Variants in KCNQ4 observed in about 807,000 individuals in gnomAD.
The protein encoded by KCNQ4 is potassium voltage-gated channel subfamily Q member 4.
Under a neutral mutation model 72.6 loss-of-function variants are expected in KCNQ4, and 31 were observed. The ratio of observed to expected loss-of-function variants is 0.43; its 90% CI spans 0.32 to 0.58. The LOEUF (loss-of-function observed/expected upper bound fraction) is 0.58, where lower values mean the gene tolerates loss of function less well. Ranked by LOEUF, KCNQ4 falls within the 20% of genes least tolerant of loss-of-function variation. The pLI is 0.08. For missense variants in KCNQ4, 869 were observed against 962.6 expected, an observed-to-expected ratio of 0.90 and a Z score of 1.29; for synonymous variants, 405 against 403.7, an observed-to-expected ratio of 1.00 and a Z score of -0.04.
intron 1 of KCNQ4, among the ~76,000 whole-genome samples, chr1:40,792,490 G>T (rs897213994): frequency 1.1e-4 from 16 of 152,202 alleles, no homozygotes; most frequent in African/African-American, 3.9e-4. Flanking sequence ...TCACAGGTGG[G>T]GAAACTGAGG....
chr1:40,837,836 G>A (rs1648850537), intron 13 of KCNQ4, 42 bp downstream of exon 13: 1 of 1,584,344 alleles, frequency 6.3e-7, no homozygotes. Flanking sequence ...ATACCAAGAA[G>A]CTCTGGGGGC....
chr1:40,790,366 C>T (rs913896374), intron 1 of KCNQ4, among the ~76,000 whole-genome samples: 9 of 152,166 alleles, frequency 5.9e-5, no homozygotes, highest in African/African-American at 1.4e-4. Flanking sequence ...TCTTCTCCTC[C>T]GGGGAGAGGT....
intron 9 of KCNQ4, among the ~76,000 whole-genome samples, chr1:40,829,611 A>G (rs547927694): frequency 2.0e-5 from 3 of 152,080 alleles, no homozygotes; most frequent in African/African-American, 7.2e-5. Context: ...GTTCCCACCC[A>G]ATACCGAAAC....
Position 40,784,203 on chromosome 1 carries a change from G to C in KCNQ4, c.110G>C (p.Gly37Ala). 8.9e-7 allele frequency: 1 copy of C among 1,127,538 alleles called. No individual in the cohort carries two copies. Among genetic ancestry groups the C allele is most frequent in the Non-Finnish European group, 1.1e-6 (1 of 925,698 alleles). The allele number at this position is 1,127,538 out of a possible 1,614,324, so 69.8% of individuals were successfully genotyped here. ...TAVQSEQGEA[G>A]GGGSPRRLGL... ...GTGCAGAGCGAACAGGGCGAGGCGG[G>C]CGGGGGCGGCTCCCCGCGCCGCCTC... Residue 37 changes from glycine (G) to alanine (A), a missense_variant, in exon 1 of 14, where the codon GGC (glycine) becomes GCC (alanine). Around this residue, in one of 5 missense-constraint regions of KCNQ4, gnomAD observed 178 missense variants for 145.3 expected, o/e 1.22. Coordinates refer to ENST00000347132, the MANE Select transcript of KCNQ4 (RefSeq NM_004700.4). The surrounding 1 kb of genome is among the most constrained non-coding windows in gnomAD (Gnocchi z 4.1).
At position 40,796,172 on chromosome 1, in the gene KCNQ4, G is replaced by A. The variant is rs545400856; in HGVS notation, c.314+11765G>A. Among the ~76,000 whole-genome samples, 10 of 152,202 alleles carry A rather than the reference G, an allele frequency of 6.6e-5. No homozygotes were observed. In the South Asian group the frequency reaches 1.5e-3, roughly 22 times the overall value. ...GTTTGCAGGACTGTGGTGGGGGGCC[G>A]AGGGGGTAATCAGTGCACATCAGGG... On this transcript the variant is annotated intron_variant, in intron 1 of 13. Transcript: ENST00000347132.
In KCNQ4 at chr1:40,784,314, C is replaced by T. The variant is rs745605543; in HGVS notation, c.221C>T (p.Ser74Leu). 33 of 1,605,266 alleles carry T rather than the reference C, an allele frequency of 2.1e-5. No homozygotes were observed. The highest frequency in any genetic ancestry group is 2.6e-5 in the Non-Finnish European group (31 of 1,178,064). The change falls in exon 1 of 14, where the codon TCG becomes TTG. Residue 74 changes from serine to leucine, a missense_variant. Around this residue, in one of 5 missense-constraint regions of KCNQ4, gnomAD observed 178 missense variants for 145.3 expected, o/e 1.22. Transcript: ENST00000347132. This position sits in a 1 kb window ranked among gnomAD's most constrained non-coding sequence, Gnocchi z 4.1. ...GGCTCCGCCTGCGGCCAGCGCTCCT[C>T]GGCCGCGCACAAGCGCTACCGCCGC... Reference protein sequence around the residue: ...GSGSACGQRSSAAHKRYRRLQ... With the variant: ...GSGSACGQRSLAAHKRYRRLQ...
At chr1:40,796,833 G>T (rs141388766) in intron 1 of KCNQ4, among the ~76,000 whole-genome samples, 1 of 152,054 alleles carries the variant, frequency 6.6e-6, no homozygotes, top group Non-Finnish European at 1.5e-5. Flanking sequence ...CATCAGAATC[G>T]CTTAAACCCG....
chr1:40,807,784 G>T (rs544287763), intron 1 of KCNQ4, among the ~76,000 whole-genome samples: 1 of 152,264 alleles, frequency 6.6e-6, no homozygotes, highest in South Asian at 2.1e-4. Flanking sequence ...TGGCTGAATG[G>T]AGGACAGACT....
intron 1 of KCNQ4, among the ~76,000 whole-genome samples, chr1:40,799,731 C>G (rs373401500): frequency 6.6e-6 from 1 of 152,200 alleles, no homozygotes; most frequent in Non-Finnish European, 1.5e-5. Context: ...TTGGCCTCCA[C>G]GAGGGAGGCC....
intron 1 of KCNQ4, among the ~76,000 whole-genome samples, chr1:40,804,271 A>G (rs1557998632): frequency 6.6e-6 from 1 of 152,186 alleles, no homozygotes; most frequent in African/African-American, 2.4e-5. Flanking sequence ...TGGGAGTGAG[A>G]GGCAGGTGCC....
intron 9 of KCNQ4, 114 bp from the exon 10 acceptor site, chr1:40,830,970 C>A: frequency 1.2e-6 from 1 of 845,978 alleles, no homozygotes; most frequent in South Asian, 1.5e-5. Context: ...CTCCGCTTGG[C>A]GGGGAATCCA....
chr1:40,833,517 C>G lies in KCNQ4; in HGVS notation c.1613+404C>G, dbSNP rs529251230. 9.7e-4 allele frequency among the ~76,000 whole-genome samples: 147 copies of G among 152,248 alleles called. 1 individual carries two copies. Among genetic ancestry groups the G allele is most frequent in the African/African-American group, 3.5e-3 (145 of 41,532 alleles). ...AAAATTAAGCAGGGACCAGGGTCTC[C>G]TAGGCCACGGCCTAGGCATGGATCT... On this transcript the variant is annotated intron_variant, in intron 11 of 13. Transcript: ENST00000347132.
chr1:40,784,193 G>A lies in KCNQ4; in HGVS notation c.100G>A (p.Gly34Ser), dbSNP rs1391299157. 1 of 1,116,904 alleles carries A rather than the reference G, an allele frequency of 9.0e-7. No individual in the cohort carries two copies. Among genetic ancestry groups the A allele is most frequent in the Non-Finnish European group, 1.1e-6 (1 of 917,682 alleles). 69.2% of individuals were successfully genotyped at this position (1,116,904 alleles called of 1,614,324 possible). Residue 34 changes from glycine to serine, a missense_variant, in exon 1 of 14, where the codon GGC becomes AGC. Coordinates refer to ENST00000347132, the MANE Select transcript of KCNQ4 (RefSeq NM_004700.4). The surrounding 1 kb of genome is among the most constrained non-coding windows in gnomAD (Gnocchi z 4.1). ...GCTCACGGCCGTGCAGAGCGAACAG[G>A]GCGAGGCGGGCGGGGGCGGCTCCCC... ...VALTAVQSEQ[G>S]EAGGGGSPRR... is the part of the protein sequence containing the mutation.
intron 1 of KCNQ4, among the ~76,000 whole-genome samples, chr1:40,791,661 G>T (rs1453813980): frequency 3.3e-5 from 5 of 152,186 alleles, no homozygotes; most frequent in Non-Finnish European, 5.9e-5. Context: ...ACGGAGATTT[G>T]GGGGACAGTG....
Position 40,808,938 on chromosome 1 carries a change from C to G in KCNQ4, c.315-8327C>G, listed in dbSNP as rs191234935. On this transcript the variant is annotated intron_variant, in intron 1 of 13. Transcript: ENST00000347132. ...ATTGTTAAACCTACACTTACTGTCT[C>G]TACCTCCTCACTGCCCCTCCCCTTT... 4.4e-4 allele frequency among the ~76,000 whole-genome samples: 67 copies of G among 152,332 alleles called. 1 individual carries two copies. The highest frequency in any genetic ancestry group is 1.5e-3 in the African/African-American group (62 of 41,562).
chr1:40,822,283 G>A (rs896809105), intron 7 of KCNQ4, 31 bp from the exon 8 acceptor site: 1 of 1,572,092 alleles, frequency 6.4e-7, no homozygotes, highest in African/African-American at 1.4e-5. Context: ...CCTCACTGAT[G>A]CCCCATCCCC....
At chr1:40,834,846 A>T (rs1648763159) in intron 11 of KCNQ4, 121 bp from the exon 12 acceptor site, 1 of 1,353,200 alleles carries the variant, frequency 7.4e-7, no homozygotes, top group East Asian at 2.5e-5. Flanking sequence ...GAGGCTGTTC[A>T]TGGTGGCCAA....
In KCNQ4 at chr1:40,831,204, T is replaced by C. The variant is rs144810195; in HGVS notation, c.1413T>C (p.Gly471=). The change falls in exon 10 of 14, where the codon GGT becomes GGC. Residue 471 remains glycine, a synonymous_variant. Transcript: ENST00000347132. Reference sequence around the variant, plus strand: ...CCTCCCCAAGCAGCGAGCAGGTGGGTGAGGCCACCAGCCCCACCAAGGTGC... The same window carrying C: ...CCTCCCCAAGCAGCGAGCAGGTGGGCGAGGCCACCAGCCCCACCAAGGTGC... ...MPTSPSSEQV[G]EATSPTKVQK... is the part of the protein sequence containing the mutation. 117 of 1,609,998 alleles carry C rather than the reference T, an allele frequency of 7.3e-5. No individual in the cohort carries two copies. In the African/African-American group the frequency reaches 1.4e-3, roughly 19 times the overall value.
At chr1:40,818,930 GT>G in intron 4 of KCNQ4, 1 of 609,872 alleles carries the variant, frequency 1.6e-6, no homozygotes, top group Non-Finnish European at 3.0e-6. Context: ...GGGCTTGAGG[GT>G]TTCCCCTGGA....
Sources: gnomAD v4.1 joint callset for allele counts (sites outside exome capture counted in the v4.1 genomes callset) on GRCh38, gnomAD v4.1.1 for gene constraint, gnomAD v4.1.1 regional missense constraint, Gnocchi (gnomAD v3.1) non-coding constraint, MANE v1.5 for transcripts, NCBI Gene and HGNC (gene_info 2026-07-23, HGNC 2026-07-21) for gene names.